Variants in GALNT17 observed in about 807,000 individuals in gnomAD.
The protein encoded by GALNT17 is polypeptide N-acetylgalactosaminyltransferase 17.
In GALNT17, 29 loss-of-function variants were observed where a neutral mutation model predicts 63.7. The ratio of observed to expected loss-of-function variants is 0.46; its 90% CI spans 0.34 to 0.62. The LOEUF (loss-of-function observed/expected upper bound fraction) is 0.62. Among genes scored for constraint, GALNT17 ranks in the 20% least tolerant of loss-of-function variants. GALNT17 has a pLI of 0.01. For synonymous variants in GALNT17, 305 were observed against 318.3 expected, an observed-to-expected ratio of 0.96 and a Z score of 0.45; for missense variants, 603 against 799.6, an observed-to-expected ratio of 0.75 and a Z score of 2.97.
At chr7:71,139,720 C>T (rs1288660483) in intron 1 of GALNT17, among the ~76,000 whole-genome samples, 3 of 152,068 alleles carry the variant, frequency 2.0e-5, no homozygotes, top group Admixed American at 1.3e-4. Flanking sequence ...TGGCCGGGCA[C>T]GGTGGCTCAA....
At chr7:71,539,324 C>G (rs1227702278) in intron 5 of GALNT17, among the ~76,000 whole-genome samples, 1 of 151,962 alleles carries the variant, frequency 6.6e-6, no homozygotes, top group Non-Finnish European at 1.5e-5. Flanking sequence ...ATTAAAATGC[C>G]TTTTGAATGA....
intron 6 of GALNT17, among the ~76,000 whole-genome samples, chr7:71,609,618 C>G (rs889577301): frequency 1.5e-4 from 23 of 152,048 alleles, no homozygotes; most frequent in Non-Finnish European, 2.4e-4. Flanking sequence ...GCATGCAATG[C>G]ATAAAAATCA....
At chr7:71,217,854 G>A (rs974149798) in intron 1 of GALNT17, among the ~76,000 whole-genome samples, 4 of 151,786 alleles carry the variant, frequency 2.6e-5, no homozygotes, top group Non-Finnish European at 4.4e-5. Flanking sequence ...TGTGAACTCC[G>A]GAGGCGGAGC....
At position 71,329,652 on chromosome 7, in the gene GALNT17, GGAGA is replaced by G. The variant is rs149805819; in HGVS notation, c.239-5883_239-5880del. ...CACAATCTTCACATGGACAGAGCCA[GGAGA>G]GAGAGAGAGAGAGAAGGGGGAAGTG... On this transcript the variant is annotated intron_variant, in intron 1 of 10. Transcript: ENST00000333538. Among the ~76,000 whole-genome samples, 39 of 150,858 alleles carry G rather than the reference GGAGA, an allele frequency of 2.6e-4. No individual in the cohort carries two copies. In the South Asian group the frequency reaches 5.2e-3, roughly 20 times the overall value.
chr7:71,191,862 T>C (rs906932683), intron 1 of GALNT17, among the ~76,000 whole-genome samples: 5 of 152,264 alleles, frequency 3.3e-5, no homozygotes, highest in African/African-American at 7.2e-5. Context: ...ACTAATAGGA[T>C]AGATGTATAT....
chr7:71,187,829 C>T (rs183908995), intron 1 of GALNT17, among the ~76,000 whole-genome samples: 47 of 152,154 alleles, frequency 3.1e-4, no homozygotes, highest in African/African-American at 9.9e-4. Flanking sequence ...GAAATTTTGG[C>T]GCACCTATCA....
chr7:71,608,705 T>A (rs145238891), intron 6 of GALNT17, among the ~76,000 whole-genome samples: 1 of 152,140 alleles, frequency 6.6e-6, no homozygotes, highest in East Asian at 1.9e-4. Flanking sequence ...TAGAAGACCC[T>A]TTGTGAGTAG....
chr7:71,203,279 G>T (rs1789209675), intron 1 of GALNT17, among the ~76,000 whole-genome samples: 1 of 152,114 alleles, frequency 6.6e-6, no homozygotes, highest in Non-Finnish European at 1.5e-5. Flanking sequence ...GCATACCAGG[G>T]TTCCTTTTTC....
chr7:71,246,606 G>A lies in GALNT17; in HGVS notation c.239-88944G>A, dbSNP rs528088969. Among the ~76,000 whole-genome samples the A allele has an allele frequency of 1.4e-3, 217 of 151,888 alleles. 1 individual carries two copies. Among genetic ancestry groups the A allele is most frequent in the Middle Eastern group, 0.01 (3 of 294 alleles). ...AGCACTTTGGGAGGCCGAGGAGGGC[G>A]GATCACGAGGTCAGGAGATCGAGAC... is the stretch of plus-strand genomic sequence containing the variant. On this transcript the variant is annotated intron_variant, in intron 1 of 10. Coordinates refer to ENST00000333538, the MANE Select transcript of GALNT17 (RefSeq NM_022479.3).
chr7:71,514,269 A>G (rs1788411768), intron 5 of GALNT17, among the ~76,000 whole-genome samples: 1 of 152,176 alleles, frequency 6.6e-6, no homozygotes. Flanking sequence ...ATGGGAGCAC[A>G]CTGGCGCAGC....
chr7:71,370,107 C>T (rs1792594032), intron 2 of GALNT17, among the ~76,000 whole-genome samples: 1 of 152,200 alleles, frequency 6.6e-6, no homozygotes, highest in African/African-American at 2.4e-5. Flanking sequence ...ATAAAACACC[C>T]AGCCCCGGCT....
intron 5 of GALNT17, among the ~76,000 whole-genome samples, chr7:71,478,106 A>G (rs1407262036): frequency 6.6e-6 from 1 of 152,192 alleles, no homozygotes; most frequent in Non-Finnish European, 1.5e-5. Context: ...GGAGTTTTAG[A>G]TAAATCCGTA....
chr7:71,681,088 A>G (rs1359299125), intron 9 of GALNT17, among the ~76,000 whole-genome samples: 2 of 152,056 alleles, frequency 1.3e-5, no homozygotes, highest in Non-Finnish European at 2.9e-5. Context: ...TTTTGTAGAC[A>G]TAGAGTCTTG....
chr7:71,435,235 C>T (rs909207336), intron 5 of GALNT17, among the ~76,000 whole-genome samples: 1 of 152,204 alleles, frequency 6.6e-6, no homozygotes, highest in Non-Finnish European at 1.5e-5. Flanking sequence ...ATGACTGAGA[C>T]GGTGAAAAAG....
At chr7:71,294,409 C>CTTTTTTTTT (rs869086513) in intron 1 of GALNT17, among the ~76,000 whole-genome samples, 7 of 91,920 alleles carry the variant, frequency 7.6e-5, no homozygotes, top group African/African-American at 1.1e-4. Context: ...CTCATAAGTC[C>CTTTTTTTTT]TTTTTTTTTT....
At chr7:71,522,773 T>C (rs895818730) in intron 5 of GALNT17, among the ~76,000 whole-genome samples, 2 of 152,212 alleles carry the variant, frequency 1.3e-5, no homozygotes, top group African/African-American at 4.8e-5. Context: ...TCTTATCTGA[T>C]GGAATCCAGT....
chr7:71,551,757 CAAAA>C (rs398047765), intron 5 of GALNT17, among the ~76,000 whole-genome samples: 1 of 120,524 alleles, frequency 8.3e-6, no homozygotes, highest in African/African-American at 3.4e-5. Context: ...GACCCTGTCT[CAAAA>C]AAAAAAAAAA....
chr7:71,211,381 A>ATTCTGAGGCTTCCCCACG (rs1562918865), intron 1 of GALNT17, among the ~76,000 whole-genome samples: 3 of 152,060 alleles, frequency 2.0e-5, no homozygotes, highest in Non-Finnish European at 2.9e-5. Flanking sequence ...ACCTCCCCAC[A>ATTCTGAGGCTTCCCCACG]TGATTCTGAG....
intron 7 of GALNT17, among the ~76,000 whole-genome samples, chr7:71,666,296 A>G (rs1165332639): frequency 6.6e-6 from 1 of 150,660 alleles, no homozygotes; most frequent in Non-Finnish European, 1.5e-5. Flanking sequence ...TAACCTAAGT[A>G]TAACCTCCTG....
Sources: allele counts gnomAD v4.1 joint callset (sites outside exome capture counted in the v4.1 genomes callset), GRCh38; gene constraint gnomAD v4.1.1; transcripts MANE v1.5; gene names NCBI Gene and HGNC (gene_info 2026-07-23, HGNC 2026-07-21).